Variants in ARHGEF3 observed in about 807,000 individuals in gnomAD.
The protein encoded by ARHGEF3 is Rho guanine nucleotide exchange factor 3.
Under a neutral mutation model 63.2 loss-of-function variants are expected in ARHGEF3, and 28 were observed. The ratio of observed to expected loss-of-function variants is 0.44; its 90% CI spans 0.33 to 0.61. The LOEUF is 0.61. Among genes scored for constraint, ARHGEF3 ranks in the 20% least tolerant of loss-of-function variants. ARHGEF3 has a pLI of 0.03. For synonymous variants in ARHGEF3, 266 were observed against 254.2 expected (o/e 1.05, Z -0.44); for missense variants, 533 against 659.3 (o/e 0.81, Z 2.10).
At chr3:56,839,294 T>C (rs2039231568) in intron 4 of ARHGEF3, among the ~76,000 whole-genome samples, 1 of 152,210 alleles carries the variant, frequency 6.6e-6, no homozygotes, top group African/African-American at 2.4e-5. Context: ...TGAGTATTTG[T>C]GATGTGTGTG....
At chr3:56,859,701 T>G (rs55837416) in intron 4 of ARHGEF3, among the ~76,000 whole-genome samples, 4 of 688 alleles carry the variant, frequency 5.8e-3, no homozygotes, top group South Asian at 0.17. Context: ...CCAGGCTAAT[T>G]TTTTTTTTTT....
chr3:56,738,168 T>G (rs946123222), intron 7 of ARHGEF3, among the ~76,000 whole-genome samples: 1 of 152,164 alleles, frequency 6.6e-6, no homozygotes, highest in African/African-American at 2.4e-5. Flanking sequence ...CTCAGCCTCC[T>G]GAGTAGCTGG....
At chr3:56,896,694 C>G (rs997850071) in intron 3 of ARHGEF3, among the ~76,000 whole-genome samples, 2 of 152,152 alleles carry the variant, frequency 1.3e-5, no homozygotes, top group African/African-American at 4.8e-5. Flanking sequence ...ATTTCCCTAC[C>G]TGAGGGTTTA....
chr3:56,852,912 G>A (rs1039253492), intron 4 of ARHGEF3, among the ~76,000 whole-genome samples: 4 of 152,196 alleles, frequency 2.6e-5, no homozygotes, highest in Middle Eastern at 3.2e-3. Context: ...CTCGATGGAT[G>A]TATAGACCAT....
At chr3:56,812,402 C>T (rs1190097052) in intron 4 of ARHGEF3, among the ~76,000 whole-genome samples, 1 of 152,196 alleles carries the variant, frequency 6.6e-6, no homozygotes, top group African/African-American at 2.4e-5. Context: ...GCTGTTTACA[C>T]ACTAATTCCT....
intron 4 of ARHGEF3, among the ~76,000 whole-genome samples, chr3:56,852,487 C>G (rs1375874581): frequency 6.6e-6 from 1 of 152,126 alleles, no homozygotes; most frequent in Non-Finnish European, 1.5e-5. Context: ...TACAGCCTGA[C>G]ACACTTACAC....
chr3:57,033,169 C>G (rs746154231), intron 2 of ARHGEF3, among the ~76,000 whole-genome samples: 1 of 152,160 alleles, frequency 6.6e-6, no homozygotes, highest in Non-Finnish European at 1.5e-5. Flanking sequence ...AAGCAGTGCC[C>G]TTTGGAGGAT....
chr3:57,014,374 T>A (rs1702875882), intron 2 of ARHGEF3, among the ~76,000 whole-genome samples: 1 of 152,060 alleles, frequency 6.6e-6, no homozygotes, highest in Non-Finnish European at 1.5e-5. Context: ...GCACCTTCCT[T>A]CCAAACCACG....
Position 56,967,401 on chromosome 3 carries a change from A to AATATTATATT in ARHGEF3, c.63-8513_63-8512insAATATAATAT, listed in dbSNP as rs1553793829. On this transcript the variant is annotated intron_variant, in intron 2 of 12. Coordinates refer to the ARHGEF3 transcript ENST00000338458. ...ATATTATACATATTATATATTATAT[A>AATATTATATT]ATATATTATATATTATACATATTAT... is the stretch of plus-strand genomic sequence containing the variant. 2.5e-3 allele frequency among the ~76,000 whole-genome samples: 74 copies of AATATTATATT among 29,584 alleles called. 3 individuals carry two copies. Among genetic ancestry groups the AATATTATATT allele is most frequent in the South Asian group, 6.3e-3 (5 of 798 alleles). The allele number at this position is 29,584 out of a possible 152,430, so 19.4% of individuals were successfully genotyped here. A position where few individuals can be genotyped will look rare whatever the true frequency, so the allele number is the denominator to read the frequency against.
rs144821552 is a variant in ARHGEF3, at chr3:56,933,711, T to C, written c.129+25112A>G. 2.1e-3 allele frequency among the ~76,000 whole-genome samples: 319 copies of C among 152,288 alleles called. 1 individual carries two copies. Among genetic ancestry groups the C allele is most frequent in the African/African-American group, 7.4e-3 (309 of 41,562 alleles). ...GCTAGATTACAGGCTTGAGCCTCCA[T>C]GTCCCAATGGAAAAATTATTTGTAA... On this transcript the variant is annotated intron_variant, in intron 3 of 12. Transcript: ENST00000338458.
At chr3:56,969,496 G>A (rs577330812) in intron 2 of ARHGEF3, among the ~76,000 whole-genome samples, 1 of 152,082 alleles carries the variant, frequency 6.6e-6, no homozygotes, top group African/African-American at 2.4e-5. Flanking sequence ...ATAAGGGCCG[G>A]GCGCGGTGGC....
At chr3:56,915,154 T>TA (rs2041952691) in intron 3 of ARHGEF3, among the ~76,000 whole-genome samples, 1 of 152,072 alleles carries the variant, frequency 6.6e-6, no homozygotes, top group Non-Finnish European at 1.5e-5. Context: ...GCATTGCCTT[T>TA]AAAAAACAGT....
At chr3:56,771,069 C>A (rs1238961812) in intron 2 of ARHGEF3, among the ~76,000 whole-genome samples, 1 of 151,036 alleles carries the variant, frequency 6.6e-6, no homozygotes, top group African/African-American at 2.4e-5. Flanking sequence ...GCTGAGATCG[C>A]GCCACTGCAC....
intron 1 of ARHGEF3, among the ~76,000 whole-genome samples, chr3:57,068,481 A>G (rs925497272): frequency 3.9e-5 from 6 of 152,218 alleles, no homozygotes; most frequent in African/African-American, 1.4e-4. Context: ...GACTCAGGCA[A>G]TCATTTAAAT....
chr3:56,976,344 A>G (rs1688513469), intron 2 of ARHGEF3, among the ~76,000 whole-genome samples: 1 of 152,074 alleles, frequency 6.6e-6, no homozygotes, highest in Non-Finnish European at 1.5e-5. Context: ...CATCCGGTCA[A>G]TTCATGTTTT....
chr3:56,937,921 A>G (rs1045045283), intron 3 of ARHGEF3, among the ~76,000 whole-genome samples: 9 of 152,204 alleles, frequency 5.9e-5, no homozygotes, highest in African/African-American at 1.2e-4. Flanking sequence ...ACAAATTTTC[A>G]TCTGTCCATA....
intron 2 of ARHGEF3, among the ~76,000 whole-genome samples, chr3:56,992,395 A>C (rs1313136795): frequency 2.3e-5 from 3 of 129,246 alleles, no homozygotes; most frequent in Admixed American, 1.7e-4. Flanking sequence ...AAAAAAAAAA[A>C]AAAAAAAAAA....
At chr3:56,890,020 C>T (rs1368345480) in intron 3 of ARHGEF3, among the ~76,000 whole-genome samples, 2 of 152,050 alleles carry the variant, frequency 1.3e-5, no homozygotes, top group Non-Finnish European at 2.9e-5. Context: ...CAAGGTCGCA[C>T]CACTGCACTC....
chr3:56,895,820 A>G (rs942349546), intron 3 of ARHGEF3, among the ~76,000 whole-genome samples: 13 of 152,256 alleles, frequency 8.5e-5, no homozygotes, highest in Admixed American at 3.3e-4. Context: ...TATTTTCCTT[A>G]CAGTTGTTTC....
Sources: allele counts gnomAD v4.1 joint callset (sites outside exome capture counted in the v4.1 genomes callset), GRCh38; gene constraint gnomAD v4.1.1; transcripts MANE v1.5; gene names NCBI Gene and HGNC (gene_info 2026-07-23, HGNC 2026-07-21).